Variants in IGLON5 observed in about 807,000 individuals in gnomAD.
IGLON5 encodes Ig-like domain-containing protein ENSP00000270642.
Under a neutral mutation model 38.2 loss-of-function variants are expected in IGLON5, and 16 were observed. The ratio of observed to expected loss-of-function variants is 0.42; its 90% CI spans 0.28 to 0.64. The LOEUF (loss-of-function observed/expected upper bound fraction) is 0.64, where lower values mean the gene tolerates loss of function less well. IGLON5 is among the 30% of genes least tolerant of loss of function. The pLI is 0.23. For synonymous variants in IGLON5, 207 were observed against 216.4 expected, an observed-to-expected ratio of 0.96 and a Z score of 0.38; for missense variants, 366 against 483.4, an observed-to-expected ratio of 0.76 and a Z score of 2.28.
chr19:51,322,601 T>TCTCTCTCTCTCTCTCGCTTG, intron 2 of IGLON5, among the ~76,000 whole-genome samples: 1 of 426 alleles, frequency 2.3e-3, no homozygotes, highest in African/African-American at 7.2e-3. Flanking sequence ...TCTCGCTTGC[T>TCTCTCTCTCTCTCTCGCTTG]CTCTCTCTCT....
chr19:51,327,190 G>C lies in IGLON5; in HGVS notation c.757G>C (p.Asp253His). 1 of 1,611,920 alleles carries C rather than the reference G, an allele frequency of 6.2e-7. No individual in the cohort carries two copies. The highest frequency in any genetic ancestry group is 8.5e-7 in the Non-Finnish European group (1 of 1,179,390). The change falls in exon 6 of 8, where the codon GAT becomes CAT. Residue 253 changes from aspartate to histidine, a missense_variant. Transcript: ENST00000270642. The surrounding 1 kb of genome is among the most constrained non-coding windows in gnomAD (Gnocchi z 7.1). ...VPPADFQWYKDDRLLSSGTAE... is the reference protein window; with the variant it reads ...VPPADFQWYKHDRLLSSGTAE... ...CCCCGCGGATTTCCAGTGGTACAAG[G>C]ATGACAGACTGTGAGGACAGCACTG... is the stretch of plus-strand genomic sequence containing the variant.
At chr19:51,313,687 C>CTTTCTTTG (rs1984838258) in intron 1 of IGLON5, among the ~76,000 whole-genome samples, 1 of 55,078 alleles carries the variant, frequency 1.8e-5, no homozygotes, top group Non-Finnish European at 3.5e-5. Flanking sequence ...TTCTTTCTTT[C>CTTTCTTTG]TTTCTTTCTT....
In IGLON5 at chr19:51,327,054, A is replaced by C; in HGVS notation, c.647-26A>C. On this transcript the variant is annotated intron_variant, in intron 5 of 7. Transcript: ENST00000270642. The surrounding 1 kb of genome is among the most constrained non-coding windows in gnomAD (Gnocchi z 7.1). ...CCTTCGTCCCCACGCGGCTAGGAGA[A>C]TTCGCTGACCCTTGCCCCTCGCCAG... 1 of 1,602,004 alleles carries C rather than the reference A, an allele frequency of 6.2e-7. No individual in the cohort carries two copies. The highest frequency in any genetic ancestry group is 8.5e-7 in the Non-Finnish European group (1 of 1,173,886).
rs1488019855 is a variant in IGLON5 at position 51,311,914 on chromosome 19, G to C, written c.67G>C (p.Val23Leu). 4.0e-5 allele frequency: 55 copies of C among 1,360,744 alleles called. No individual in the cohort carries two copies. Among genetic ancestry groups the C allele is most frequent in the Admixed American group, 5.8e-5 (2 of 34,604 alleles). The allele number at this position is 1,360,744 out of a possible 1,614,324, so 84.3% of individuals were successfully genotyped here. Residue 23 changes from valine (V) to leucine (L), a missense_variant, in exon 1 of 8, where the codon GTC (valine) becomes CTC (leucine). Transcript: ENST00000270642. ...CGCCGCCGCCCTGGCCGGCTTGGCC[G>C]TCATCAGCCGAGGTACCGCAGCGCC... ...LAAAALAGLA[V>L]ISRGLLSQSL...
Position 51,328,651 on chromosome 19 carries a change from G to T in IGLON5, c.923-20G>T. Reference sequence around the variant, plus strand: ...TCCCCACTCTCAGGCCTCCCTCCATGACCCCTTCTCTTCCCCCAGGCCCAG... The same window carrying T: ...TCCCCACTCTCAGGCCTCCCTCCATTACCCCTTCTCTTCCCCCAGGCCCAG... On this transcript the variant is annotated intron_variant, in intron 7 of 7. Coordinates refer to ENST00000270642, the MANE Select transcript of IGLON5 (RefSeq NM_001101372.3). 1.3e-6 allele frequency: 2 copies of T among 1,523,070 alleles called. No individual in the cohort carries two copies. The highest frequency in any genetic ancestry group is 1.2e-5 in the South Asian group (1 of 81,768). 94.3% of individuals were successfully genotyped at this position (1,523,070 alleles called of 1,614,324 possible).
chr19:51,322,230 G>A (rs1985079093), intron 2 of IGLON5, 88 bp downstream of exon 2: 7 of 1,053,388 alleles, frequency 6.6e-6, no homozygotes, highest in South Asian at 1.3e-5. Flanking sequence ...CCTGGTTACA[G>A]GAACAGCCTG....
chr19:51,315,450 T>C (rs1360059934), intron 1 of IGLON5, among the ~76,000 whole-genome samples: 2 of 152,184 alleles, frequency 1.3e-5, no homozygotes, highest in Non-Finnish European at 2.9e-5. Context: ...TATATACATA[T>C]GGCAGTGAGT....
Position 51,329,815 on chromosome 19 carries a change from T to TACACACACACAGACACACAC in IGLON5, c.*1068_*1087dup, listed in dbSNP as rs1985308263. On this transcript the variant is annotated 3_prime_UTR_variant, in exon 8 of 8. Coordinates refer to ENST00000270642, the MANE Select transcript of IGLON5 (RefSeq NM_001101372.3). The surrounding 1 kb of genome is among the most constrained non-coding windows in gnomAD (Gnocchi z 4.3). ...GACACTCAGACGCACCACACACACA[T>TACACACACACAGACACACAC]ACACACACACAGACACACACACACA... The TACACACACACAGACACACAC allele has an allele frequency of 7.2e-6, 1 of 138,218 alleles. No homozygotes were observed. Among genetic ancestry groups the TACACACACACAGACACACAC allele is most frequent in the Non-Finnish European group, 1.5e-5 (1 of 65,694 alleles). 8.6% of individuals were successfully genotyped at this position (138,218 alleles called of 1,614,324 possible).
intron 1 of IGLON5, among the ~76,000 whole-genome samples, chr19:51,318,628 G>A (rs1599823874): frequency 6.6e-6 from 1 of 152,134 alleles, no homozygotes; most frequent in South Asian, 2.1e-4. Context: ...CCAGCTACTC[G>A]GGAGGCTGAG....
At chr19:51,318,312 C>A (rs533814337) in intron 1 of IGLON5, among the ~76,000 whole-genome samples, 1 of 152,276 alleles carries the variant, frequency 6.6e-6, no homozygotes, top group African/African-American at 2.4e-5. Context: ...TGAGTCAGAA[C>A]CAAGATTTAC....
At chr19:51,314,454 G>A (rs923799071) in intron 1 of IGLON5, among the ~76,000 whole-genome samples, 3 of 152,168 alleles carry the variant, frequency 2.0e-5, no homozygotes, top group Non-Finnish European at 4.4e-5. Flanking sequence ...AAAGTGCTGG[G>A]ATTACAGGCA....
intron 2 of IGLON5, among the ~76,000 whole-genome samples, chr19:51,323,064 T>C (rs1985114780): frequency 6.7e-6 from 1 of 149,788 alleles, no homozygotes; most frequent in African/African-American, 2.5e-5. Context: ...TCTCTTTCTC[T>C]CTGGGTGTCT....
In IGLON5 at chr19:51,326,849, C is replaced by T. The variant is rs1321907584; in HGVS notation, c.597C>T (p.Asn199=). 1.3e-6 allele frequency: 2 copies of T among 1,558,326 alleles called. No individual in the cohort carries two copies. The highest frequency in any genetic ancestry group is 2.7e-5 in the African/African-American group (2 of 73,438). Residue 199 remains asparagine, a synonymous_variant, in exon 5 of 8, where the codon AAC becomes AAT. Coordinates refer to ENST00000270642, the MANE Select transcript of IGLON5 (RefSeq NM_001101372.3). The part of the protein sequence containing the change: ...QAGEYECVTH[N]GVNSAPDSRR... Reference sequence around the variant, plus strand: ...GGGAGTATGAGTGCGTGACTCACAACGGGGTTAACTCGGCGCCCGACAGCC... The same window carrying T: ...GGGAGTATGAGTGCGTGACTCACAATGGGGTTAACTCGGCGCCCGACAGCC...
intron 1 of IGLON5, among the ~76,000 whole-genome samples, chr19:51,320,500 TG>T (rs2123521885): frequency 1.3e-5 from 2 of 152,270 alleles, no homozygotes; most frequent in South Asian, 4.1e-4. Flanking sequence ...CCCCACTCCC[TG>T]GCCCTGGTCC....
rs1568460869 is a variant in IGLON5, at chr19:51,330,809, T to A, written c.*2050T>A. ...GAGAAACTGAGTCCATGATTATATA[T>A]CATTTGAGCAGCTGGATCAAAACTT... On this transcript the variant is annotated 3_prime_UTR_variant, in exon 8 of 8. Transcript: ENST00000270642. Among the ~76,000 whole-genome samples, 1 of 151,484 alleles carries A rather than the reference T, an allele frequency of 6.6e-6. No individual in the cohort carries two copies. Among genetic ancestry groups the A allele is most frequent in the South Asian group, 2.1e-4 (1 of 4,810 alleles).
At position 51,327,003 on chromosome 19, in the gene IGLON5, G is replaced by A. The variant is rs1985233640; in HGVS notation, c.647-77G>A. On this transcript the variant is annotated intron_variant, in intron 5 of 7. Coordinates refer to ENST00000270642, the MANE Select transcript of IGLON5 (RefSeq NM_001101372.3). The surrounding 1 kb of genome is among the most constrained non-coding windows in gnomAD (Gnocchi z 7.1). Reference sequence around the variant, plus strand: ...GCGGGGGCGAGACTTACGGGCCTGAGGGAGGCGGGGGCTGGGGGCGGGACC... The same window carrying A: ...GCGGGGGCGAGACTTACGGGCCTGAAGGAGGCGGGGGCTGGGGGCGGGACC... The A allele has an allele frequency of 1.9e-6, 3 of 1,593,130 alleles. No individual in the cohort carries two copies. The highest frequency in any genetic ancestry group is 1.7e-6 in the Non-Finnish European group (2 of 1,172,262).
chr19:51,313,671 C>CTTTCTT (rs1223139035), intron 1 of IGLON5, among the ~76,000 whole-genome samples: 1 of 70,288 alleles, frequency 1.4e-5, no homozygotes, highest in South Asian at 6.0e-4. Context: ...TTCTTTCTTT[C>CTTTCTT]TTTCTTTCTT....
chr19:51,324,010 GAC>G lies in IGLON5; in HGVS notation c.391+120_391+121del. On this transcript the variant is annotated intron_variant, in intron 3 of 7. Transcript: ENST00000270642. This position sits in a 1 kb window ranked among gnomAD's most constrained non-coding sequence, Gnocchi z 4.2. ...CCAGGGATACATAGCGAGAAAGACA[GAC>G]ACAGCCTTGCCCTTGGGGATTTCAG... is the stretch of plus-strand genomic sequence containing the variant. 1.4e-6 allele frequency: 1 copy of G among 708,206 alleles called. No individual in the cohort carries two copies. The highest frequency in any genetic ancestry group is 1.9e-5 in the South Asian group (1 of 53,842). 43.9% of individuals were successfully genotyped at this position (708,206 alleles called of 1,614,324 possible). A position where few individuals can be genotyped will look rare whatever the true frequency, so the allele number is the denominator to read the frequency against.
At chr19:51,322,217 G>A in intron 2 of IGLON5, 75 bp downstream of exon 2, 1 of 1,215,996 alleles carries the variant, frequency 8.2e-7, no homozygotes, top group South Asian at 1.2e-5. Flanking sequence ...CCTGGGTGGG[G>A]ATCCTGGTTA....
Sources: allele counts gnomAD v4.1 joint callset (sites outside exome capture counted in the v4.1 genomes callset), GRCh38; gene constraint gnomAD v4.1.1; non-coding constraint Gnocchi (gnomAD v3.1); transcripts MANE v1.5; gene names NCBI Gene and HGNC (gene_info 2026-07-23, HGNC 2026-07-21).